Variants in LRBA observed in about 807,000 individuals in gnomAD.
LRBA encodes the protein lipopolysaccharide-responsive and beige-like anchor protein.
LRBA carries 176 observed loss-of-function variants against 330.0 expected under a neutral mutation model. The observed-to-expected ratio is 0.53, with a 90% CI of 0.47 to 0.60. LRBA has a LOEUF of 0.60. LRBA is among the 20% of genes least tolerant of loss of function. The pLI, the probability that LRBA is intolerant of heterozygous loss-of-function variation, is 0.00. For synonymous variants in LRBA, 1,230 were observed against 1,193.0 expected (o/e 1.03, Z -0.64); for missense variants, 3,259 against 3,444.8 (o/e 0.95, Z 1.35).
chr4:150,929,029 T>C lies in LRBA; in HGVS notation c.253A>G (p.Ile85Val). Residue 85 changes from isoleucine to valine, a missense_variant, in exon 3 of 57, where the codon ATT becomes GTT. By Grantham distance (29) the Ile-to-Val change is conservative (BLOSUM62 3). Transcript: ENST00000651943. ...GGQFDLEMNF[I>V]IQEGESINCM... The stretch of plus-strand genomic sequence containing the variant: ...TTAATACTCTCACCTTCTTGGATAA[T>C]GAAATTCATTTCCAGATCAAACTGT... The C allele has an allele frequency of 6.2e-7, 1 of 1,612,766 alleles. No homozygotes were observed. The highest frequency in any genetic ancestry group is 1.3e-5 in the African/African-American group (1 of 74,704).
chr4:150,625,756 C>A (rs929838608), intron 37 of LRBA, among the ~76,000 whole-genome samples: 14 of 151,246 alleles, frequency 9.3e-5, no homozygotes, highest in African/African-American at 2.9e-4. Flanking sequence ...GTTGCCCAGG[C>A]TGGAGTGCAG....
intron 29 of LRBA, among the ~76,000 whole-genome samples, chr4:150,830,757 CTTTTTTTTTTTTT>C (rs57178610): frequency 1.2e-5 from 1 of 81,976 alleles, no homozygotes; most frequent in Non-Finnish European, 2.5e-5. Context: ...TACAGAGTTA[CTTTTTTTTTTTTT>C]TTTTTTTTTG....
At chr4:150,573,963 T>C (rs1021330671) in intron 40 of LRBA, among the ~76,000 whole-genome samples, 1 of 152,162 alleles carries the variant, frequency 6.6e-6, no homozygotes, top group Non-Finnish European at 1.5e-5. Flanking sequence ...ATTTATTTTT[T>C]TAAGTTAATT....
intron 36 of LRBA, chr4:150,684,093 A>C (rs961488194): frequency 7.4e-5 from 12 of 162,262 alleles, no homozygotes; most frequent in African/African-American, 2.9e-4. Context: ...AAGGCAGGCC[A>C]GGGCTACATC....
chr4:150,412,688 TACTA>T (rs1392299041), intron 47 of LRBA, among the ~76,000 whole-genome samples: 23 of 152,158 alleles, frequency 1.5e-4, no homozygotes, highest in Admixed American at 2.6e-4. Flanking sequence ...TTATTAATAA[TACTA>T]ACTATGGTAA....
chr4:150,759,816 G>T (rs1734830762), intron 35 of LRBA, among the ~76,000 whole-genome samples: 1 of 152,052 alleles, frequency 6.6e-6, no homozygotes, highest in African/African-American at 2.4e-5. Flanking sequence ...AATAGATGAG[G>T]AACTGAAGCT....
chr4:150,282,643 C>A lies in LRBA; in HGVS notation c.8123G>T (p.Gly2708Val). ...ATTCATGGAATGTATGAGACATGGT[C>A]CTTCTGAGAAGAGAGGAGAAATAAA... ...LGLVLSGSQE[G>V]PCLIHSMNGD... The change falls in exon 55 of 57, where the codon GGA (glycine) becomes GTA (valine). Residue 2708 changes from glycine to valine, a missense_variant. Coordinates refer to ENST00000651943, the MANE Select transcript of LRBA (RefSeq NM_001364905.1). 1 of 1,594,502 alleles carries A rather than the reference C, an allele frequency of 6.3e-7. No individual in the cohort carries two copies.
intron 9 of LRBA, among the ~76,000 whole-genome samples, chr4:150,910,851 A>G (rs1177911619): frequency 6.6e-6 from 1 of 152,104 alleles, no homozygotes; most frequent in African/African-American, 2.4e-5. Flanking sequence ...GTACTTTTCA[A>G]TGTACAACTC....
At chr4:150,330,621 T>C (rs1204236792) in intron 48 of LRBA, among the ~76,000 whole-genome samples, 1 of 151,960 alleles carries the variant, frequency 6.6e-6, no homozygotes, top group African/African-American at 2.4e-5. Context: ...CACAATAGGG[T>C]TTGCATTCCG....
intron 17 of LRBA, among the ~76,000 whole-genome samples, chr4:150,887,609 A>G (rs1320513415): frequency 6.6e-6 from 1 of 152,108 alleles, no homozygotes; most frequent in East Asian, 1.9e-4. Flanking sequence ...TCTACTAAAA[A>G]TACAAAAAAA....
intron 38 of LRBA, chr4:150,596,969 A>G (rs1418976082): frequency 1.9e-6 from 1 of 514,696 alleles, no homozygotes; most frequent in Non-Finnish European, 3.6e-6. Context: ...CAACTGAAGA[A>G]TCTCCTACAC....
intron 37 of LRBA, among the ~76,000 whole-genome samples, chr4:150,681,423 C>G (rs1157267165): frequency 6.6e-6 from 1 of 152,150 alleles, no homozygotes; most frequent in Non-Finnish European, 1.5e-5. Flanking sequence ...AAGATCCACA[C>G]TTCACATTAT....
intron 42 of LRBA, among the ~76,000 whole-genome samples, 188 bp downstream of exon 42, chr4:150,487,544 A>C (rs1351827481): frequency 2.6e-5 from 4 of 151,644 alleles, no homozygotes; most frequent in Non-Finnish European, 5.9e-5. Context: ...GTACATTATA[A>C]TGCAGTTTAG....
chr4:150,689,911 C>CGAGACTCCGTCT (rs1783965616), intron 36 of LRBA, among the ~76,000 whole-genome samples: 1 of 148,814 alleles, frequency 6.7e-6, no homozygotes, highest in African/African-American at 2.5e-5. Flanking sequence ...GGTGACAGAG[C>CGAGACTCCGTCT]CAAAAAGAAG....
chr4:150,857,536 G>A (rs980076314), intron 22 of LRBA, among the ~76,000 whole-genome samples: 4 of 152,004 alleles, frequency 2.6e-5, no homozygotes, highest in Non-Finnish European at 5.9e-5. Flanking sequence ...TTTTTAGAGG[G>A]CAATTTAGCA....
chr4:150,801,659 C>T (rs987270603), intron 33 of LRBA, among the ~76,000 whole-genome samples: 2 of 152,168 alleles, frequency 1.3e-5, no homozygotes, highest in Non-Finnish European at 2.9e-5. Context: ...CACCGCCACA[C>T]GTCTTTTTAG....
chr4:150,785,153 G>T (rs147590257), intron 34 of LRBA, among the ~76,000 whole-genome samples: 121 of 152,290 alleles, frequency 7.9e-4, no homozygotes, highest in African/African-American at 2.8e-3. Context: ...CAGGAGTGCT[G>T]ATTGTTTGGA....
At chr4:150,778,710 CATT>C (rs1409672764) in intron 34 of LRBA, among the ~76,000 whole-genome samples, 1 of 152,124 alleles carries the variant, frequency 6.6e-6, no homozygotes, top group East Asian at 1.9e-4. Flanking sequence ...AGATGATCAT[CATT>C]AAGTCTGTAT....
chr4:150,849,353 G>T, intron 25 of LRBA, 69 bp downstream of exon 25: 2 of 1,419,596 alleles, frequency 1.4e-6, no homozygotes, highest in Non-Finnish European at 2.0e-6. Context: ...CCACATTTAA[G>T]TTTTAGTCAA....
Sources: allele counts gnomAD v4.1 joint callset (sites outside exome capture counted in the v4.1 genomes callset), GRCh38; gene constraint gnomAD v4.1.1; transcripts MANE v1.5; gene names NCBI Gene and HGNC (gene_info 2026-07-23, HGNC 2026-07-21).